Variants in NAV3 observed in about 807,000 individuals in gnomAD.
The protein encoded by NAV3 is neuron navigator 3.
NAV3 carries 87 observed loss-of-function variants against 244.7 expected under a neutral mutation model. The observed-to-expected ratio is 0.36, with a 90% CI of 0.30 to 0.42. NAV3 has a LOEUF of 0.42. NAV3 is among the 20% of genes least tolerant of loss of function. The pLI is 1.00. For missense variants in NAV3, 2,663 were observed against 2,893.3 expected (o/e 0.92, Z 1.83); for synonymous variants, 1,126 against 1,042.2 (o/e 1.08, Z -1.55).
chr12:77,872,907 G>A, intron 1 of NAV3, among the ~76,000 whole-genome samples: 1 of 152,026 alleles, frequency 6.6e-6, no homozygotes, highest in East Asian at 1.9e-4. Context: ...ATATGGTTTG[G>A]CTGTGTCCCC....
chr12:78,108,187 CA>C lies in NAV3; in HGVS notation c.2637-8580del, dbSNP rs374535760. 8.0e-4 allele frequency among the ~76,000 whole-genome samples: 121 copies of C among 151,758 alleles called. 3 individuals carry two copies. The East Asian group carries it at 0.019, about 23-fold the overall frequency. On this transcript the variant is annotated intron_variant, in intron 12 of 39. Coordinates refer to ENST00000397909, the MANE Select transcript of NAV3 (RefSeq NM_001024383.2). ...AAATTAGATCATACAGACTTTAAGT[CA>C]AAAAGAGTAAAATAAAAAAGACAAA...
At chr12:78,118,625 C>T (rs139844368) in intron 14 of NAV3, among the ~76,000 whole-genome samples, 8 of 152,184 alleles carry the variant, frequency 5.3e-5, no homozygotes, top group Admixed American at 1.3e-4. Context: ...TTTTGTTCTG[C>T]GTTCTTAATG....
At chr12:77,870,809 C>T (rs1409919281) in intron 1 of NAV3, among the ~76,000 whole-genome samples, 1 of 152,178 alleles carries the variant, frequency 6.6e-6, no homozygotes, top group Non-Finnish European at 1.5e-5. Flanking sequence ...GTGAAAAGCA[C>T]AGGTTATTTG....
intron 12 of NAV3, 148 bp downstream of exon 12, chr12:78,059,263 G>C (rs919778287): frequency 1.0e-5 from 8 of 795,408 alleles, no homozygotes; most frequent in Non-Finnish European, 1.4e-5. Flanking sequence ...TAATTATTTA[G>C]GGTTTTTTTG....
intron 2 of NAV3, among the ~76,000 whole-genome samples, chr12:77,718,865 AG>A (rs1249671283): frequency 6.6e-6 from 1 of 151,998 alleles, no homozygotes; most frequent in Non-Finnish European, 1.5e-5. Flanking sequence ...CATGTTGGTC[AG>A]GTGGTCTCAA....
At chr12:78,146,347 C>A (rs773926699) in intron 20 of NAV3, 22 bp from the exon 21 acceptor site, 8 of 1,045,824 alleles carry the variant, frequency 7.6e-6, no homozygotes, top group South Asian at 2.0e-5. Context: ...TAGTTAAAGT[C>A]TTTCTTTTTA....
At chr12:77,939,900 G>A (rs1889700914) in intron 1 of NAV3, among the ~76,000 whole-genome samples, 1 of 152,112 alleles carries the variant, frequency 6.6e-6, no homozygotes. Flanking sequence ...ATTCAATAGT[G>A]TTCTCAGAGA....
intron 9 of NAV3, among the ~76,000 whole-genome samples, chr12:78,047,588 G>C (rs894031507): frequency 2.0e-5 from 3 of 152,200 alleles, no homozygotes; most frequent in African/African-American, 7.2e-5. Flanking sequence ...CTGTTAGTCT[G>C]ATGGGCTTCC....
At chr12:77,758,657 CT>C (rs1268531179) in intron 2 of NAV3, among the ~76,000 whole-genome samples, 1 of 152,076 alleles carries the variant, frequency 6.6e-6, no homozygotes, top group African/African-American at 2.4e-5. Context: ...TGTTATAATA[CT>C]TTTTCAAAAA....
chr12:77,680,077 G>T (rs1020598715), intron 2 of NAV3, among the ~76,000 whole-genome samples: 2 of 152,152 alleles, frequency 1.3e-5, no homozygotes, highest in Non-Finnish European at 2.9e-5. Flanking sequence ...AGATTGCATG[G>T]TGTTATACTG....
rs944076972 is a variant in NAV3 at position 78,118,403 on chromosome 12, A to G, written c.3040+106A>G. The G allele has an allele frequency of 7.1e-6, 10 of 1,399,712 alleles. No homozygotes were observed. In the African/African-American group the frequency reaches 1.4e-4, roughly 20 times the overall value. The allele number at this position is 1,399,712 out of a possible 1,614,324, so 86.7% of individuals were successfully genotyped here. A position where few individuals can be genotyped will look rare whatever the true frequency, so the allele number is the denominator to read the frequency against. On this transcript the variant is annotated intron_variant, in intron 14 of 39. Transcript: ENST00000397909. ...AGCATTTCTAAAATACCAAATTCTT[A>G]TCCATATTAAACATGGAGTCAAATA...
At chr12:77,924,777 A>G (rs978506611) in intron 1 of NAV3, among the ~76,000 whole-genome samples, 2 of 152,148 alleles carry the variant, frequency 1.3e-5, no homozygotes, top group African/African-American at 4.8e-5. Flanking sequence ...ATTACTACAC[A>G]TTTGTTTGGG....
chr12:77,908,941 G>T lies in NAV3; in HGVS notation c.244-31378G>T, dbSNP rs1251100722. On this transcript the variant is annotated intron_variant, in intron 1 of 39. Coordinates refer to ENST00000397909, the MANE Select transcript of NAV3 (RefSeq NM_001024383.2). Reference sequence around the variant, plus strand: ...GTTCAGTAAAAGTAACATAGATGTGGAAATGGGCTGACTGGATCCAAATCA... The same window carrying T: ...GTTCAGTAAAAGTAACATAGATGTGTAAATGGGCTGACTGGATCCAAATCA... 8.5e-5 allele frequency among the ~76,000 whole-genome samples: 13 copies of T among 152,162 alleles called. No individual in the cohort carries two copies. In the East Asian group the frequency reaches 2.5e-3, roughly 29 times the overall value.
At chr12:77,603,793 T>C (rs1870547062) in intron 2 of NAV3, among the ~76,000 whole-genome samples, 1 of 152,012 alleles carries the variant, frequency 6.6e-6, no homozygotes, top group Non-Finnish European at 1.5e-5. Context: ...TCTCCTTTCC[T>C]TCCTTTAAAT....
intron 1 of NAV3, among the ~76,000 whole-genome samples, chr12:77,838,741 C>T (rs984526707): frequency 6.6e-6 from 1 of 152,080 alleles, no homozygotes. Context: ...CAATTTTGAA[C>T]TTGAAAGATT....
chr12:78,013,876 T>G (rs1309310534), intron 8 of NAV3, among the ~76,000 whole-genome samples: 1 of 152,006 alleles, frequency 6.6e-6, no homozygotes, highest in African/African-American at 2.4e-5. Flanking sequence ...TTTCATTCTG[T>G]TTTTTTAAAA....
intron 3 of NAV3, among the ~76,000 whole-genome samples, chr12:77,955,993 A>G (rs1056886372): frequency 2.6e-5 from 4 of 152,190 alleles, no homozygotes; most frequent in South Asian, 2.1e-4. Context: ...TGCCTGTAAA[A>G]CTATATACTT....
At chr12:77,971,774 T>C (rs993099323) in intron 5 of NAV3, among the ~76,000 whole-genome samples, 1 of 152,132 alleles carries the variant, frequency 6.6e-6, no homozygotes, top group Admixed American at 6.6e-5. Flanking sequence ...TCTCTGGGTA[T>C]TTGGCCAGAA....
In NAV3 at chr12:77,898,800, A is replaced by T. The variant is rs563306936; in HGVS notation, c.244-41519A>T. Among the ~76,000 whole-genome samples the T allele has an allele frequency of 2.0e-5, 3 of 152,372 alleles. No homozygotes were observed. In the East Asian group the frequency reaches 5.8e-4, roughly 29 times the overall value. The stretch of plus-strand genomic sequence containing the variant: ...TCATAAGTCTAGAGCTGCCATAGTG[A>T]TTCCTCTGATGGATCTGAGCAGAGT... On this transcript the variant is annotated intron_variant, in intron 1 of 39. Coordinates refer to ENST00000397909, the MANE Select transcript of NAV3 (RefSeq NM_001024383.2).
Sources: gnomAD v4.1 joint callset for allele counts (sites outside exome capture counted in the v4.1 genomes callset) on GRCh38, gnomAD v4.1.1 for gene constraint, MANE v1.5 for transcripts, NCBI Gene and HGNC (gene_info 2026-07-23, HGNC 2026-07-21) for gene names.